Variants in CFAP20DC observed in about 807,000 individuals in gnomAD.
The protein encoded by CFAP20DC is protein CFAP20DC.
CFAP20DC carries 84 observed loss-of-function variants against 101.7 expected under a neutral mutation model. That is an observed-to-expected ratio of 0.83 (90% CI 0.69 to 0.99). The LOEUF (loss-of-function observed/expected upper bound fraction) is 0.99, where lower values mean the gene tolerates loss of function less well. Among genes scored for constraint, CFAP20DC ranks in the 50% least tolerant of loss-of-function variants. CFAP20DC has a pLI of 0.00. For synonymous variants in CFAP20DC, 359 were observed against 351.2 expected, an observed-to-expected ratio of 1.02 and a Z score of -0.25; for missense variants, 1,007 against 970.3, an observed-to-expected ratio of 1.04 and a Z score of -0.50.
intron 5 of CFAP20DC, among the ~76,000 whole-genome samples, chr3:58,935,283 C>T (rs1423063857): frequency 1.3e-5 from 2 of 151,962 alleles, no homozygotes; most frequent in South Asian, 2.1e-4. Context: ...AGGATACAAA[C>T]AAATGGAAGA....
At chr3:59,011,290 C>T (rs1168186019) in intron 4 of CFAP20DC, among the ~76,000 whole-genome samples, 1 of 151,616 alleles carries the variant, frequency 6.6e-6, no homozygotes, top group South Asian at 2.1e-4. Flanking sequence ...CCCAGCTACT[C>T]GGGAGGCTGA....
chr3:59,023,448 A>C (rs2093839615), intron 4 of CFAP20DC, among the ~76,000 whole-genome samples: 1 of 152,130 alleles, frequency 6.6e-6, no homozygotes, highest in Non-Finnish European at 1.5e-5. Context: ...ACCTTAAAGA[A>C]CGATTAGGGT....
chr3:58,936,250 C>T (rs1296618805), intron 5 of CFAP20DC, among the ~76,000 whole-genome samples: 3 of 152,038 alleles, frequency 2.0e-5, no homozygotes, highest in Non-Finnish European at 4.4e-5. Context: ...GTTAGAATGG[C>T]AATCATTAAA....
chr3:58,850,587 TCA>T (rs2078137609), intron 12 of CFAP20DC, among the ~76,000 whole-genome samples: 1 of 105,722 alleles, frequency 9.5e-6, no homozygotes, highest in African/African-American at 3.7e-5. Context: ...AAACTCCATC[TCA>T]AAAAAAAAAA....
Position 58,795,280 on chromosome 3 carries a change from G to C in CFAP20DC, c.2237+11115C>G, listed in dbSNP as rs2073155829. Among the ~76,000 whole-genome samples, 1 of 152,210 alleles carries C rather than the reference G, an allele frequency of 6.6e-6. No individual in the cohort carries two copies. The highest frequency in any genetic ancestry group is 1.5e-5 in the Non-Finnish European group (1 of 68,032). On this transcript the variant is annotated intron_variant, in intron 15 of 16. Coordinates refer to ENST00000482387, the MANE Select transcript of CFAP20DC (RefSeq NM_001394063.1). The surrounding 1 kb of genome is among the most constrained non-coding windows in gnomAD (Gnocchi z 4.2). ...AAAGGTAATCTGAGTTCAGCATCTGGATGGATAACAATTGCTGGGGAGGCT... is the reference window on the plus strand; with the variant it reads ...AAAGGTAATCTGAGTTCAGCATCTGCATGGATAACAATTGCTGGGGAGGCT...
intron 3 of CFAP20DC, among the ~76,000 whole-genome samples, chr3:59,044,967 G>C (rs1699725866): frequency 6.7e-6 from 1 of 148,702 alleles, no homozygotes; most frequent in South Asian, 2.2e-4. Flanking sequence ...ATATGGAAAT[G>C]CAAAAAACCT....
rs535891492 is a variant in CFAP20DC at position 58,759,222 on chromosome 3, T to C, written c.2238-5359A>G. On this transcript the variant is annotated intron_variant, in intron 15 of 16. Transcript: ENST00000482387. ...CTGTTGTTTCCTGACTTTTTAAGGATTGCCATTCTAACTGGTGTGAGATGG... is the reference window on the plus strand; with the variant it reads ...CTGTTGTTTCCTGACTTTTTAAGGACTGCCATTCTAACTGGTGTGAGATGG... Among the ~76,000 whole-genome samples the C allele has an allele frequency of 1.2e-3, 186 of 152,308 alleles. 2 individuals carry two copies. In the Middle Eastern group the frequency reaches 0.014, roughly 11 times the overall value.
intron 15 of CFAP20DC, among the ~76,000 whole-genome samples, chr3:58,769,365 T>C (rs1028943304): frequency 4.6e-5 from 7 of 152,170 alleles, no homozygotes; most frequent in South Asian, 2.1e-4. Context: ...AAAGATTCCA[T>C]GGTTACTACA....
At chr3:58,776,528 G>A (rs1465574331) in intron 15 of CFAP20DC, among the ~76,000 whole-genome samples, 1 of 151,572 alleles carries the variant, frequency 6.6e-6, no homozygotes, top group African/African-American at 2.4e-5. Context: ...TGCCCTTAGA[G>A]ACTTAAATCC....
intron 15 of CFAP20DC, among the ~76,000 whole-genome samples, chr3:58,783,279 T>C (rs949279526): frequency 2.0e-5 from 3 of 151,578 alleles, no homozygotes; most frequent in Admixed American, 6.6e-5. Context: ...AAAAATCAAC[T>C]CAAGATGGAT....
intron 4 of CFAP20DC, among the ~76,000 whole-genome samples, chr3:58,940,643 C>A (rs972456096): frequency 1.3e-5 from 2 of 152,062 alleles, no homozygotes; most frequent in African/African-American, 2.4e-5. Context: ...TTCATTGATC[C>A]ATTTGTCTAT....
intron 15 of CFAP20DC, among the ~76,000 whole-genome samples, chr3:58,765,489 C>CAA (rs1559559556): frequency 1.8e-5 from 2 of 108,730 alleles, no homozygotes; most frequent in Non-Finnish European, 3.8e-5. Flanking sequence ...AAAAAAAAAA[C>CAA]CAAAAAAAAA....
chr3:58,955,478 C>G (rs894087332), intron 4 of CFAP20DC, among the ~76,000 whole-genome samples: 2 of 152,066 alleles, frequency 1.3e-5, no homozygotes, highest in African/African-American at 4.8e-5. Flanking sequence ...AAAACCAGAC[C>G]AAACTCAGCT....
chr3:59,046,098 TA>T (rs1006431976), intron 3 of CFAP20DC, 130 bp downstream of exon 3: 2,054 of 607,748 alleles, frequency 3.4e-3, no homozygotes, highest in East Asian at 4.0e-3. Flanking sequence ...CCCTCTAAAT[TA>T]AAAAAAAAAT....
chr3:58,806,958 A>G (rs2107737845), intron 14 of CFAP20DC, among the ~76,000 whole-genome samples: 1 of 152,116 alleles, frequency 6.6e-6, no homozygotes, highest in Non-Finnish European at 1.5e-5. Context: ...ACGGAGTCTC[A>G]CTGACTGCTA....
chr3:58,902,955 G>A (rs981896678), intron 6 of CFAP20DC, among the ~76,000 whole-genome samples: 1 of 151,848 alleles, frequency 6.6e-6, no homozygotes, highest in African/African-American at 2.4e-5. Flanking sequence ...CTGTGAATGG[G>A]GAAGCTGCAG....
At chr3:58,813,010 C>A (rs995202041) in intron 14 of CFAP20DC, among the ~76,000 whole-genome samples, 1 of 151,948 alleles carries the variant, frequency 6.6e-6, no homozygotes, top group Non-Finnish European at 1.5e-5. Context: ...CCCAGACACA[C>A]AGAAAATACA....
intron 15 of CFAP20DC, chr3:58,794,350 A>G (rs1559598639): frequency 2.2e-6 from 1 of 456,074 alleles, no homozygotes. Flanking sequence ...ATCAATGGAC[A>G]AGAAAGAGTC....
rs1469465161 is a variant in CFAP20DC at position 58,806,339 on chromosome 3, C to T, written c.2237+56G>A. On this transcript the variant is annotated intron_variant, in intron 15 of 16. Coordinates refer to ENST00000482387, the MANE Select transcript of CFAP20DC (RefSeq NM_001394063.1). Reference sequence around the variant, plus strand: ...ATTTCAGAAAACCAAGAAAAATGTACAATCTTCCAACTAAGTTTTTTTTTT... The same window carrying T: ...ATTTCAGAAAACCAAGAAAAATGTATAATCTTCCAACTAAGTTTTTTTTTT... 9 of 1,183,774 alleles carry T rather than the reference C, an allele frequency of 7.6e-6. 1 individual carries two copies. The highest frequency in any genetic ancestry group is 1.1e-5 in the Non-Finnish European group (9 of 802,076). 73.3% of individuals were successfully genotyped at this position (1,183,774 alleles called of 1,614,324 possible).
Sources: allele counts gnomAD v4.1 joint callset (sites outside exome capture counted in the v4.1 genomes callset), GRCh38; gene constraint gnomAD v4.1.1; non-coding constraint Gnocchi (gnomAD v3.1); transcripts MANE v1.5; gene names NCBI Gene and HGNC (gene_info 2026-07-23, HGNC 2026-07-21).